The following PDE1C variants were observed in gnomAD, a reference collection of about 807,000 sequenced individuals.
PDE1C encodes the protein phosphodiesterase 1C, also known as dual specificity calcium/calmodulin-dependent 3',5'-cyclic nucleotide phosphodiesterase 1C.
A neutral mutation model predicts 93.1 loss-of-function variants in PDE1C; 62 were observed. The ratio of observed to expected loss-of-function variants is 0.67; its 90% confidence interval spans 0.54 to 0.82. The LOEUF (loss-of-function observed/expected upper bound fraction) is 0.82. Among genes scored for constraint, PDE1C ranks in the 40% least tolerant of loss-of-function variants. The pLI is 0.00. For synonymous variants in PDE1C, 325 were observed against 310.1 expected, an observed-to-expected ratio of 1.05 and a Z score of -0.50; for missense variants, 742 against 884.6, an observed-to-expected ratio of 0.84 and a Z score of 2.04.
intron 1 of PDE1C, among the ~76,000 whole-genome samples, chr7:32,379,931 C>G (rs996712131): frequency 6.6e-6 from 1 of 152,206 alleles, no homozygotes; most frequent in Non-Finnish European, 1.5e-5. Flanking sequence ...TGGGTGTGAG[C>G]TGTGGTCTGA....
chr7:32,185,321 G>A (rs967150398), intron 2 of PDE1C, among the ~76,000 whole-genome samples: 5 of 150,560 alleles, frequency 3.3e-5, no homozygotes, highest in South Asian at 2.1e-4. Context: ...ATTTGGTCAC[G>A]TTATATTGTT....
upstream of PDE1C, among the ~76,000 whole-genome samples, chr7:32,299,570 GT>G (rs1466362688): frequency 3.9e-5 from 6 of 152,240 alleles, no homozygotes; most frequent in Non-Finnish European, 8.8e-5. Context: ...ATTTGCTGAT[GT>G]GGAAGATATC....
At chr7:32,020,865 T>A (rs1309970877) in intron 2 of PDE1C, among the ~76,000 whole-genome samples, 1 of 152,154 alleles carries the variant, frequency 6.6e-6, no homozygotes, top group Non-Finnish European at 1.5e-5. Context: ...AAAGCCATGT[T>A]TTGCATTGCA....
chr7:31,908,324 C>A (rs10487737), intron 2 of PDE1C, among the ~76,000 whole-genome samples: 5,148 of 152,110 alleles, frequency 0.034, 291 homozygotes, highest in African/African-American at 0.11. Context: ...TTTATTGCAT[C>A]ATTTAATCTC....
chr7:31,961,134 A>G (rs984301557), intron 2 of PDE1C, among the ~76,000 whole-genome samples: 2 of 152,174 alleles, frequency 1.3e-5, no homozygotes, highest in Admixed American at 6.5e-5. Context: ...AGCTACAATT[A>G]ATCTAGCTTA....
intron 2 of PDE1C, among the ~76,000 whole-genome samples, chr7:32,003,340 A>C (rs1036286977): frequency 6.6e-6 from 1 of 152,238 alleles, no homozygotes; most frequent in South Asian, 2.1e-4. Context: ...TACTACTTCA[A>C]TATCTCTGCG....
the PDE1C span, among the ~76,000 whole-genome samples, chr7:31,655,072 C>A: frequency 6.6e-6 from 1 of 152,142 alleles, no homozygotes; most frequent in Non-Finnish European, 1.5e-5. Flanking sequence ...CATCTATGAC[C>A]CTGATTCCCA....
At chr7:32,238,249 T>C (rs939557602) in intron 1 of PDE1C, among the ~76,000 whole-genome samples, 1 of 152,200 alleles carries the variant, frequency 6.6e-6, no homozygotes, top group Non-Finnish European at 1.5e-5. Context: ...TCTTCTACAA[T>C]GGCAATACGA....
chr7:31,899,132 C>CTTTTTTTTTTTTTTTTTT, intron 2 of PDE1C, among the ~76,000 whole-genome samples: 1 of 85,018 alleles, frequency 1.2e-5, no homozygotes, highest in Non-Finnish European at 2.3e-5. Context: ...GGCAGTCCCA[C>CTTTTTTTTTTTTTTTTTT]TTTTTTTTTT....
chr7:32,105,809 A>G (rs1798279294), intron 3 of PDE1C, among the ~76,000 whole-genome samples: 1 of 151,434 alleles, frequency 6.6e-6, no homozygotes, highest in African/African-American at 2.4e-5. Context: ...TACAGGCGTA[A>G]GCCACCACAC....
chr7:31,985,391 G>C (rs777658020), intron 2 of PDE1C, among the ~76,000 whole-genome samples: 7 of 152,118 alleles, frequency 4.6e-5, no homozygotes, highest in Non-Finnish European at 1.0e-4. Flanking sequence ...CAAGAAAAAA[G>C]AGAATTGAAC....
At chr7:32,377,820 A>G (rs1378657705) in intron 1 of PDE1C, among the ~76,000 whole-genome samples, 1 of 152,002 alleles carries the variant, frequency 6.6e-6, no homozygotes, top group Non-Finnish European at 1.5e-5. Flanking sequence ...ACTATACTCT[A>G]TTGCCTCGCA....
At chr7:32,181,619 A>G (rs990540151) in intron 2 of PDE1C, among the ~76,000 whole-genome samples, 18 of 152,264 alleles carry the variant, frequency 1.2e-4, no homozygotes, top group African/African-American at 4.3e-4. Flanking sequence ...AAGACACAAC[A>G]TACCAGAATC....
Position 31,809,067 on chromosome 7 carries a change from G to A in PDE1C, c.1855C>T (p.His619Tyr), listed in dbSNP as rs143271832. Residue 619 changes from histidine to tyrosine, a missense_variant, in exon 16 of 18, where the codon CAC becomes TAC. Around this residue, in one of 4 missense-constraint regions of PDE1C, gnomAD observed 454 missense variants for 459.4 expected, o/e 0.99. Transcript: ENST00000396191. ...TTTGAATCATTTCCGATGTTAGAGT[G>A]ATCCTTCTTGTCTGTCTTATTTTTA... The part of the protein sequence containing the change: ...DGKNKTDKKD[H>Y]SNIGNDSKKT... The A allele has an allele frequency of 4.0e-5, 64 of 1,593,658 alleles. No homozygotes were observed. Among genetic ancestry groups the A allele is most frequent in the Non-Finnish European group, 4.6e-5 (53 of 1,162,710 alleles).
At chr7:32,036,393 A>G (rs1269540985) in intron 2 of PDE1C, among the ~76,000 whole-genome samples, 3 of 152,210 alleles carry the variant, frequency 2.0e-5, no homozygotes, top group Non-Finnish European at 2.9e-5. Flanking sequence ...TTTAAAATCA[A>G]TGCCCTACGT....
chr7:32,366,467 GGAGAA>G (rs1784230851), intron 1 of PDE1C, among the ~76,000 whole-genome samples: 1 of 151,958 alleles, frequency 6.6e-6, no homozygotes, highest in African/African-American at 2.4e-5. Context: ...ATATTCCAGA[GGAGAA>G]GAGAATGAAA....
intron 3 of PDE1C, among the ~76,000 whole-genome samples, chr7:32,159,653 G>C (rs1397611063): frequency 6.6e-6 from 1 of 152,142 alleles, no homozygotes; most frequent in African/African-American, 2.4e-5. Context: ...GGCTATAAGG[G>C]AGGAGAAGTA....
chr7:32,084,885 C>A (rs1796967064), intron 3 of PDE1C, among the ~76,000 whole-genome samples: 1 of 147,306 alleles, frequency 6.8e-6, no homozygotes, highest in Admixed American at 6.8e-5. Context: ...CACTAAAAGC[C>A]CACAAGAGAA....
rs181757341 is a variant in PDE1C at position 32,008,873 on chromosome 7, T to C, written c.128+42681A>G. 3.3e-5 allele frequency among the ~76,000 whole-genome samples: 5 copies of C among 152,290 alleles called. No homozygotes were observed. In the East Asian group the frequency reaches 9.7e-4, roughly 29 times the overall value. On this transcript the variant is annotated intron_variant, in intron 2 of 17. Transcript: ENST00000396191. ...GTTACAAAAGTTTGTTTACCTTACG[T>C]GTAAATCAATAGATATTAAAGGTCC...
Sources: allele counts gnomAD v4.1 joint callset (sites outside exome capture counted in the v4.1 genomes callset), GRCh38; gene constraint gnomAD v4.1.1; regional missense constraint gnomAD v4.1.1; transcripts MANE v1.5; gene names NCBI Gene and HGNC (gene_info 2026-07-23, HGNC 2026-07-21).